KIAA0513: variants seen among roughly 807,000 people sequenced by gnomAD.
The protein encoded by KIAA0513 is uncharacterized protein KIAA0513.
In KIAA0513, 39 loss-of-function variants were observed where a neutral mutation model predicts 56.5. That is an observed-to-expected ratio of 0.69 (90% CI 0.53 to 0.90). KIAA0513 has a LOEUF of 0.90. KIAA0513 is among the 40% of genes least tolerant of loss of function. The pLI is 0.00. For missense variants in KIAA0513, 591 were observed against 535.2 expected (o/e 1.10, Z -1.03); for synonymous variants, 268 against 215.6 (o/e 1.24, Z -2.13).
At chr16:85,039,907 T>G (rs958910012) in intron 1 of KIAA0513, among the ~76,000 whole-genome samples, 1 of 151,726 alleles carries the variant, frequency 6.6e-6, no homozygotes, top group Non-Finnish European at 1.5e-5. Flanking sequence ...CCATCTTGGC[T>G]CCCTACACCC....
intron 1 of KIAA0513, among the ~76,000 whole-genome samples, chr16:85,057,675 G>A (rs1287338165): frequency 6.6e-6 from 1 of 152,204 alleles, no homozygotes; most frequent in Non-Finnish European, 1.5e-5. Context: ...TTCAGTCCTG[G>A]GCCACGAGGA....
intron 1 of KIAA0513, among the ~76,000 whole-genome samples, chr16:85,031,537 C>T (rs1414473589): frequency 6.6e-6 from 1 of 152,220 alleles, no homozygotes; most frequent in African/African-American, 2.4e-5. Context: ...CCAGCAGCTT[C>T]CCAGGACCTT....
At chr16:85,082,635 G>C (rs751100639) in intron 10 of KIAA0513, 42 bp downstream of exon 10, 1 of 1,608,878 alleles carries the variant, frequency 6.2e-7, no homozygotes, top group Non-Finnish European at 8.5e-7. Context: ...TACAGTGCGG[G>C]CTCCTGCGAA....
rs553170465 is a variant in KIAA0513 at position 85,089,845 on chromosome 16, C to A, written c.*1520C>A. ...TCTCTAGAGACAACAGTCTGTGCTG[C>A]AGATTGGTTGGATCACAGAATGTGT... On this transcript the variant is annotated 3_prime_UTR_variant, in exon 13 of 13. Coordinates refer to ENST00000683363, the MANE Select transcript of KIAA0513 (RefSeq NM_001388359.1). The surrounding 1 kb of genome is among the most constrained non-coding windows in gnomAD (Gnocchi z 4.2). 1 of 152,174 alleles carries A rather than the reference C, an allele frequency of 6.6e-6. No individual in the cohort carries two copies. The highest frequency in any genetic ancestry group is 6.5e-5 in the Admixed American group (1 of 15,276). 9.4% of individuals were successfully genotyped at this position (152,174 alleles called of 1,614,324 possible).
intron 1 of KIAA0513, among the ~76,000 whole-genome samples, chr16:85,054,053 G>A (rs1255652257): frequency 2.0e-5 from 3 of 150,544 alleles, no homozygotes; most frequent in Non-Finnish European, 3.0e-5. Flanking sequence ...CCAGCTACTC[G>A]GGAGGCTGAG....
intron 1 of KIAA0513, among the ~76,000 whole-genome samples, chr16:85,060,959 A>C (rs1216847306): frequency 1.3e-5 from 2 of 151,970 alleles, no homozygotes; most frequent in African/African-American, 2.4e-5. Context: ...TTCGAGACCA[A>C]CCTGGCCAAC....
chr16:85,074,343 T>C (rs1472543), intron 4 of KIAA0513, among the ~76,000 whole-genome samples: 30,931 of 130,464 alleles, frequency 0.24, 3,204 homozygotes, highest in African/African-American at 0.3. Context: ...TATACACACA[T>C]ACACACACAC....
At chr16:85,058,434 C>A (rs1436396669) in intron 1 of KIAA0513, among the ~76,000 whole-genome samples, 4 of 152,112 alleles carry the variant, frequency 2.6e-5, no homozygotes, top group Non-Finnish European at 5.9e-5. Context: ...CAGGTGGATC[C>A]CTGAGGTCAG....
Position 85,066,946 on chromosome 16 carries a change from G to A in KIAA0513, c.-126G>A, listed in dbSNP as rs2073490938. On this transcript the variant is annotated 5_prime_UTR_variant, in exon 2 of 13. Transcript: ENST00000683363. ...TGCTGTGAAGGACTCATTCTTGGTA[G>A]CCGGCAGTTACTGGCAACTTGTGAG... The A allele has an allele frequency of 5.6e-6, 4 of 709,200 alleles. No individual in the cohort carries two copies. In the East Asian group the frequency reaches 8.4e-5, roughly 15 times the overall value. The allele number at this position is 709,200 out of a possible 1,614,324, so 43.9% of individuals were successfully genotyped here.
chr16:85,062,067 C>G (rs2073413852), intron 1 of KIAA0513, among the ~76,000 whole-genome samples: 1 of 152,198 alleles, frequency 6.6e-6, no homozygotes, highest in African/African-American at 2.4e-5. Context: ...CCCAACCTCC[C>G]CGTCCAAAGA....
intron 2 of KIAA0513, among the ~76,000 whole-genome samples, chr16:85,069,260 G>C (rs1019874479): frequency 1.3e-5 from 2 of 148,826 alleles, no homozygotes; most frequent in African/African-American, 5.0e-5. Flanking sequence ...ACCCAGGCTT[G>C]AGTGCAGTGG....
chr16:85,073,304 G>A (rs377408553), intron 4 of KIAA0513, among the ~76,000 whole-genome samples: 42 of 152,284 alleles, frequency 2.8e-4, no homozygotes, highest in African/African-American at 7.7e-4. Context: ...TGCCCTCCCC[G>A]GGAGATCTGG....
chr16:85,087,040 A>C, intron 11 of KIAA0513, 32 bp from the exon 12 acceptor site: 1 of 1,604,910 alleles, frequency 6.2e-7, no homozygotes, highest in Non-Finnish European at 8.5e-7. Flanking sequence ...CTGGGAGGCC[A>C]GCGGGTGACG....
intron 1 of KIAA0513, among the ~76,000 whole-genome samples, chr16:85,042,210 C>T (rs57384263): frequency 0.012 from 1,832 of 152,310 alleles, 38 homozygotes; most frequent in African/African-American, 0.041. Context: ...AAGTGCTAAG[C>T]CCTCCTTGTT....
intron 1 of KIAA0513, among the ~76,000 whole-genome samples, chr16:85,049,988 C>T (rs931221662): frequency 3.9e-5 from 6 of 152,164 alleles, no homozygotes; most frequent in Non-Finnish European, 8.8e-5. Context: ...TTCAGCTGTC[C>T]CGGAGTCAGC....
intron 1 of KIAA0513, among the ~76,000 whole-genome samples, chr16:85,047,690 C>T (rs775282079): frequency 6.6e-6 from 1 of 152,138 alleles, no homozygotes; most frequent in African/African-American, 2.4e-5. Context: ...GGAAAAAACC[C>T]AGGGATCTGG....
chr16:85,049,947 G>A (rs1020355354), intron 1 of KIAA0513, among the ~76,000 whole-genome samples: 4 of 152,162 alleles, frequency 2.6e-5, no homozygotes, highest in African/African-American at 7.2e-5. Flanking sequence ...CTTAAGAGTG[G>A]AAGGCCAAGT....
chr16:85,040,151 A>G (rs576398071), intron 1 of KIAA0513, among the ~76,000 whole-genome samples: 79 of 152,232 alleles, frequency 5.2e-4, no homozygotes, highest in Non-Finnish European at 9.4e-4. Context: ...GGTTTTCAAC[A>G]GGAAGCAAGT....
chr16:85,063,530 T>C (rs756589606), intron 1 of KIAA0513: 10 of 152,296 alleles, frequency 6.6e-5, no homozygotes, highest in Non-Finnish European at 1.0e-4. Context: ...CCTCCCAAAG[T>C]GTTGGGATTA....
Sources: gnomAD v4.1 joint callset for allele counts (sites outside exome capture counted in the v4.1 genomes callset) on GRCh38, gnomAD v4.1.1 for gene constraint, Gnocchi (gnomAD v3.1) non-coding constraint, MANE v1.5 for transcripts, NCBI Gene and HGNC (gene_info 2026-07-23, HGNC 2026-07-21) for gene names.